The following PTPRN2 variants were observed in gnomAD, a reference collection of about 807,000 sequenced individuals.
PTPRN2 encodes the protein receptor-type tyrosine-protein phosphatase N2.
PTPRN2 carries 74 observed loss-of-function variants against 118.8 expected under a neutral mutation model. The observed-to-expected ratio is 0.62, with a 90% CI of 0.52 to 0.76. The LOEUF (loss-of-function observed/expected upper bound fraction) is 0.76. Among genes scored for constraint, PTPRN2 ranks in the 30% least tolerant of loss-of-function variants. The pLI is 0.00. For missense variants in PTPRN2, 1,481 were observed against 1,394.4 expected, an observed-to-expected ratio of 1.06 and a Z score of -0.99; for synonymous variants, 641 against 608.0, an observed-to-expected ratio of 1.05 and a Z score of -0.80.
chr7:158,502,667 A>G (rs573825778), intron 1 of PTPRN2, among the ~76,000 whole-genome samples: 2 of 152,370 alleles, frequency 1.3e-5, no homozygotes, highest in East Asian at 3.9e-4. Context: ...GGACGTCACC[A>G]CACACCACGC....
intron 3 of PTPRN2, among the ~76,000 whole-genome samples, chr7:158,213,014 A>G (rs1310016132): frequency 6.6e-6 from 1 of 152,230 alleles, no homozygotes; most frequent in East Asian, 1.9e-4. Flanking sequence ...AAATTACCAA[A>G]TAACTCTCAA....
intron 6 of PTPRN2, among the ~76,000 whole-genome samples, chr7:158,147,370 C>G (rs1820217737): frequency 1.6e-5 from 1 of 62,116 alleles, no homozygotes; most frequent in Non-Finnish European, 2.9e-5. Flanking sequence ...CTTTCCCCCT[C>G]AATGACACCC....
At chr7:158,400,602 T>G (rs1029601373) in intron 2 of PTPRN2, among the ~76,000 whole-genome samples, 2 of 152,278 alleles carry the variant, frequency 1.3e-5, no homozygotes, top group Admixed American at 6.5e-5. Flanking sequence ...TCATCTCAGC[T>G]ACGATTCTCC....
At chr7:157,682,322 A>C (rs984435150) in intron 13 of PTPRN2, among the ~76,000 whole-genome samples, 1 of 152,222 alleles carries the variant, frequency 6.6e-6, no homozygotes, top group Non-Finnish European at 1.5e-5. Context: ...ATCTTTTCAC[A>C]GAAGACCCCG....
In PTPRN2 at chr7:157,709,502, GAC is replaced by G. The variant is rs564177033; in HGVS notation, c.1789-26567_1789-26566del. The stretch of plus-strand genomic sequence containing the variant: ...CGGACATCTAGAGCACGAAGTGAGT[GAC>G]ACAGAGGCCGGGGACCCTCCTTCCC... On this transcript the variant is annotated intron_variant, in intron 12 of 22. Coordinates refer to ENST00000389418, the MANE Select transcript of PTPRN2 (RefSeq NM_002847.5). Among the ~76,000 whole-genome samples the G allele has an allele frequency of 4.6e-4, 70 of 152,294 alleles. 1 individual carries two copies. The highest frequency in any genetic ancestry group is 1.7e-3 in the African/African-American group (69 of 41,580).
At chr7:157,758,912 A>G (rs1801971446) in intron 12 of PTPRN2, among the ~76,000 whole-genome samples, 1 of 152,202 alleles carries the variant, frequency 6.6e-6, no homozygotes, top group South Asian at 2.1e-4. Context: ...TTTCCCTGCC[A>G]CGGTACGCCC....
chr7:157,962,068 C>T (rs1563277281), intron 11 of PTPRN2, among the ~76,000 whole-genome samples: 1 of 152,200 alleles, frequency 6.6e-6, no homozygotes, highest in Non-Finnish European at 1.5e-5. Context: ...GCAGTCCCTA[C>T]TCTGGCGGGA....
chr7:158,132,773 CAACA>C lies in PTPRN2; in HGVS notation c.1556+900_1556+903del, dbSNP rs1374142031. On this transcript the variant is annotated intron_variant, in intron 9 of 22. Coordinates refer to ENST00000389418, the MANE Select transcript of PTPRN2 (RefSeq NM_002847.5). The stretch of plus-strand genomic sequence containing the variant: ...ACACACACGCACATACACATCTACC[CAACA>C]CACACTCATATACACACACATGCGT... Among the ~76,000 whole-genome samples, 29 of 151,660 alleles carry C rather than the reference CAACA, an allele frequency of 1.9e-4. 2 individuals carry two copies. The highest frequency in any genetic ancestry group is 1.8e-3 in the Admixed American group (28 of 15,220).
At chr7:157,551,592 C>T (rs1382970155) in intron 21 of PTPRN2, among the ~76,000 whole-genome samples, 2 of 147,592 alleles carry the variant, frequency 1.4e-5, no homozygotes, top group African/African-American at 5.0e-5. Flanking sequence ...ACCCCACAGC[C>T]ACCACACAAC....
At position 157,881,231 on chromosome 7, in the gene PTPRN2, T is replaced by C. The variant is rs186258820; in HGVS notation, c.1788+17442A>G. Among the ~76,000 whole-genome samples, 138 of 144,802 alleles carry C rather than the reference T, an allele frequency of 9.5e-4. 1 individual carries two copies. Among genetic ancestry groups the C allele is most frequent in the African/African-American group, 2.5e-3 (91 of 36,406 alleles). 95.0% of individuals were successfully genotyped at this position (144,802 alleles called of 152,430 possible). A position where few individuals can be genotyped will look rare whatever the true frequency, so the allele number is the denominator to read the frequency against. On this transcript the variant is annotated intron_variant, in intron 12 of 22. Coordinates refer to ENST00000389418, the MANE Select transcript of PTPRN2 (RefSeq NM_002847.5). This position sits in a 1 kb window ranked among gnomAD's most constrained non-coding sequence, Gnocchi z 4.7. The stretch of plus-strand genomic sequence containing the variant: ...ATGGGGGTGTTTACAGTAGTCATTA[T>C]GGTAAAATGAGGTCATGATGGTATG...
intron 2 of PTPRN2, among the ~76,000 whole-genome samples, chr7:158,431,054 G>A (rs1347015824): frequency 6.6e-6 from 1 of 152,196 alleles, no homozygotes; most frequent in Non-Finnish European, 1.5e-5. Flanking sequence ...AAAGAGCTTG[G>A]ACTGAGGAAA....
rs1456991059 is a variant in PTPRN2, at chr7:158,070,968, A to G, written c.1723+10330T>C. Among the ~76,000 whole-genome samples the G allele has an allele frequency of 9.1e-3, 176 of 19,278 alleles. 1 individual carries two copies. The highest frequency in any genetic ancestry group is 0.013 in the Non-Finnish European group (134 of 10,616). The allele number at this position is 19,278 out of a possible 152,430, so 12.6% of individuals were successfully genotyped here. On this transcript the variant is annotated intron_variant, in intron 11 of 22. Transcript: ENST00000389418. ...GGTGCCCGTGGTGGTGGAGGTGCTC[A>G]CGGTGGAGGTGCCCGTGGTGGTGGA...
intron 6 of PTPRN2, among the ~76,000 whole-genome samples, chr7:158,164,997 A>T (rs4476953): frequency 6.6e-6 from 1 of 150,572 alleles, no homozygotes; most frequent in Admixed American, 6.6e-5. Context: ...AGCGTCCAGG[A>T]CCTACGAGAG....
In PTPRN2 at chr7:157,598,654, C is replaced by A. The variant is rs1801491302; in HGVS notation, c.2419-3339G>T. Among the ~76,000 whole-genome samples the A allele has an allele frequency of 6.6e-6, 1 of 152,224 alleles. No individual in the cohort carries two copies. The highest frequency in any genetic ancestry group is 1.5e-5 in the Non-Finnish European group (1 of 68,046). On this transcript the variant is annotated intron_variant, in intron 16 of 22. Transcript: ENST00000389418. This position sits in a 1 kb window ranked among gnomAD's most constrained non-coding sequence, Gnocchi z 5.2. Reference sequence around the variant, plus strand: ...TGTATGTGTGTGTCCTGGTGTTGGTCATCCCGAAACTGTCCGTGAAAACCT... The same window carrying A: ...TGTATGTGTGTGTCCTGGTGTTGGTAATCCCGAAACTGTCCGTGAAAACCT...
chr7:158,081,243 TGTGTGTGTGCACACAC>T (rs1452735098), intron 11 of PTPRN2, 39 bp downstream of exon 11: 21 of 1,448,278 alleles, frequency 1.5e-5, no homozygotes, highest in Admixed American at 8.4e-5. Flanking sequence ...TTTGCGTGCG[TGTGTGTGTGCACACAC>T]GTGTGTGTGC....
intron 2 of PTPRN2, among the ~76,000 whole-genome samples, chr7:158,457,833 G>A (rs559489262): frequency 4.2e-4 from 63 of 150,634 alleles, no homozygotes; most frequent in African/African-American, 1.4e-3. Flanking sequence ...CCTCCAGGGC[G>A]AGCCTGGCCT....
intron 1 of PTPRN2, among the ~76,000 whole-genome samples, chr7:158,540,284 G>C (rs531442614): frequency 6.6e-6 from 1 of 152,296 alleles, no homozygotes; most frequent in Non-Finnish European, 1.5e-5. Flanking sequence ...AGCGTATTAG[G>C]GTCTCCTGCC....
chr7:158,246,024 C>T (rs916844026), intron 3 of PTPRN2, among the ~76,000 whole-genome samples: 1 of 152,098 alleles, frequency 6.6e-6, no homozygotes. Context: ...GCCCTCCCCA[C>T]CTGCGACAAT....
At chr7:158,128,817 G>A (rs918927139) in intron 9 of PTPRN2, among the ~76,000 whole-genome samples, 17 of 152,064 alleles carry the variant, frequency 1.1e-4, no homozygotes, top group Non-Finnish European at 2.2e-4. Context: ...ATGGGCGGCC[G>A]TCCCCCTGCA....
Sources: allele counts gnomAD v4.1 joint callset (sites outside exome capture counted in the v4.1 genomes callset), GRCh38; gene constraint gnomAD v4.1.1; non-coding constraint Gnocchi (gnomAD v3.1); transcripts MANE v1.5; gene names NCBI Gene and HGNC (gene_info 2026-07-23, HGNC 2026-07-21).